Variants in TXNL1 observed in about 807,000 individuals in gnomAD.
TXNL1 encodes the protein thioredoxin like 1.
In TXNL1, 14 loss-of-function variants were observed where a neutral mutation model predicts 35.5. The observed-to-expected ratio is 0.39, with a 90% confidence interval of 0.26 to 0.62. The LOEUF (loss-of-function observed/expected upper bound fraction) is 0.62. TXNL1 is among the 20% of genes least tolerant of loss of function. TXNL1 has a pLI of 0.47. For synonymous variants in TXNL1, 110 were observed against 115.5 expected (o/e 0.95, Z 0.31); for missense variants, 263 against 349.7 (o/e 0.75, Z 1.98).
At chr18:56,637,193 T>C (rs926754605) in intron 1 of TXNL1, among the ~76,000 whole-genome samples, 22 of 152,228 alleles carry the variant, frequency 1.4e-4, no homozygotes, top group African/African-American at 4.6e-4. Context: ...CCTAAAACGA[T>C]ATAATCCTAA....
chr18:56,626,804 T>TTTTTG (rs1448808000), intron 1 of TXNL1, among the ~76,000 whole-genome samples: 1 of 120,602 alleles, frequency 8.3e-6, no homozygotes, highest in Admixed American at 8.9e-5. Context: ...GGTCTTTTTT[T>TTTTTG]TTTTTTTTTT....
At chr18:56,630,897 T>C (rs1205668124) in intron 1 of TXNL1, among the ~76,000 whole-genome samples, 1 of 152,080 alleles carries the variant, frequency 6.6e-6, no homozygotes, top group Non-Finnish European at 1.5e-5. Flanking sequence ...TTTTTTCTTT[T>C]TTTTTTTAGG....
chr18:56,604,030 T>C (rs2144273376), intron 7 of TXNL1, among the ~76,000 whole-genome samples: 1 of 152,284 alleles, frequency 6.6e-6, no homozygotes, highest in African/African-American at 2.4e-5. Context: ...ACATCATTCA[T>C]GAGAGACCTG....
At chr18:56,629,614 C>G (rs2024339666) in intron 1 of TXNL1, among the ~76,000 whole-genome samples, 1 of 152,158 alleles carries the variant, frequency 6.6e-6, no homozygotes, top group African/African-American at 2.4e-5. Context: ...AAGACAGAGA[C>G]AGGCACAATG....
intron 1 of TXNL1, among the ~76,000 whole-genome samples, chr18:56,627,438 C>T (rs538413457): frequency 5.3e-5 from 8 of 152,240 alleles, no homozygotes; most frequent in African/African-American, 1.7e-4. Flanking sequence ...CAGCCCAAGT[C>T]GTTTTGAGGT....
intron 7 of TXNL1, among the ~76,000 whole-genome samples, chr18:56,603,906 T>A (rs1176204642): frequency 6.6e-6 from 1 of 152,192 alleles, no homozygotes; most frequent in Non-Finnish European, 1.5e-5. Flanking sequence ...TACATTTATA[T>A]ATTTAATTTT....
intron 5 of TXNL1, among the ~76,000 whole-genome samples, chr18:56,614,863 G>C (rs2024058442): frequency 1.3e-5 from 2 of 152,106 alleles, no homozygotes; most frequent in South Asian, 4.1e-4. Context: ...CACACACACA[G>C]AGGGAGTCCC....
At chr18:56,638,115 T>C (rs2024486200) in intron 1 of TXNL1, among the ~76,000 whole-genome samples, 1 of 152,154 alleles carries the variant, frequency 6.6e-6, no homozygotes, top group Non-Finnish European at 1.5e-5. Flanking sequence ...AGAAATCTCC[T>C]GAGCTGGAGA....
chr18:56,608,938 C>T (rs902395689), intron 7 of TXNL1: 1 of 145,478 alleles, frequency 6.9e-6, no homozygotes, highest in Non-Finnish European at 1.5e-5. Flanking sequence ...CAGAACAAAA[C>T]CCTGTCTCAA....
chr18:56,627,054 C>T (rs1418662184), intron 1 of TXNL1, among the ~76,000 whole-genome samples: 1 of 151,220 alleles, frequency 6.6e-6, no homozygotes, highest in East Asian at 1.9e-4. Context: ...TTCAAGTGAT[C>T]CTCCTGCCTT....
At chr18:56,634,533 T>C (rs1429095486) in intron 1 of TXNL1, among the ~76,000 whole-genome samples, 1 of 152,174 alleles carries the variant, frequency 6.6e-6, no homozygotes, top group East Asian at 1.9e-4. Flanking sequence ...AAAAATACTC[T>C]GGGAAAAGGG....
At position 56,618,137 on chromosome 18, in the gene TXNL1, A is replaced by G. The variant is rs1386357326; in HGVS notation, c.370-11T>C. 6.2e-7 allele frequency: 1 copy of G among 1,611,648 alleles called. No individual in the cohort carries two copies. The highest frequency in any genetic ancestry group is 2.2e-5 in the East Asian group (1 of 44,784). On this transcript the variant is annotated splice_polypyrimidine_tract_variant and intron_variant, in intron 3 of 7. Coordinates refer to ENST00000217515, the MANE Select transcript of TXNL1 (RefSeq NM_004786.3). The stretch of plus-strand genomic sequence containing the variant: ...AGGCATTAAATCCATCTGAAAAAAA[A>G]TTGCAAGATTTTAGGCAACATATTT...
intron 1 of TXNL1, 64 bp downstream of exon 1, chr18:56,638,279 C>G: frequency 1.3e-6 from 2 of 1,498,956 alleles, no homozygotes; most frequent in South Asian, 2.5e-5. Context: ...CCAGGGCCAA[C>G]AAAGAGTGAA....
intron 3 of TXNL1, among the ~76,000 whole-genome samples, chr18:56,619,512 T>C (rs1598917887): frequency 8.1e-6 from 1 of 123,346 alleles, no homozygotes; most frequent in Non-Finnish European, 1.6e-5. Context: ...CACTCCAGCC[T>C]GGGGACAGAG....
At chr18:56,617,921 G>GT in intron 4 of TXNL1, 83 bp downstream of exon 4, 1 of 1,522,902 alleles carries the variant, frequency 6.6e-7, no homozygotes, top group Non-Finnish European at 9.0e-7. Flanking sequence ...AAGGAGAGAC[G>GT]TAAGCCACAA....
chr18:56,632,952 T>C (rs1251753010), intron 1 of TXNL1, among the ~76,000 whole-genome samples: 2 of 152,200 alleles, frequency 1.3e-5, no homozygotes, highest in African/African-American at 2.4e-5. Context: ...ATCAGTAATT[T>C]TGCGGTATGT....
chr18:56,608,425 A>C (rs2023937385), intron 7 of TXNL1: 1 of 152,240 alleles, frequency 6.6e-6, no homozygotes, highest in South Asian at 2.1e-4. Context: ...AATATACCTA[A>C]GAAAATCACT....
At chr18:56,622,516 A>G (rs921942870) in intron 3 of TXNL1, among the ~76,000 whole-genome samples, 8 of 152,230 alleles carry the variant, frequency 5.3e-5, no homozygotes, top group Admixed American at 1.3e-4. Context: ...ATAGTTCAAA[A>G]CTTTAATGTC....
At position 56,614,472 on chromosome 18, in the gene TXNL1, G is replaced by C; in HGVS notation, c.687C>G (p.Gly229=). 6.2e-7 allele frequency: 1 copy of C among 1,613,836 alleles called. No individual in the cohort carries two copies. The highest frequency in any genetic ancestry group is 8.5e-7 in the Non-Finnish European group (1 of 1,179,908). Residue 229 remains glycine, a synonymous_variant, in exon 6 of 8, where the codon GGC becomes GGG. Transcript: ENST00000217515. ...ELTEDDIKED[G]IVPLRYVKFQ... is the part of the protein sequence containing the mutation. ...ACTTAACATAACGAAGTGGAACAAT[G>C]CCATCTTCTTTAATATCATCCTCTG...
Sources: allele counts gnomAD v4.1 joint callset (sites outside exome capture counted in the v4.1 genomes callset), GRCh38; gene constraint gnomAD v4.1.1; transcripts MANE v1.5; gene names NCBI Gene and HGNC (gene_info 2026-07-23, HGNC 2026-07-21).